The following HERC2 variants were observed in gnomAD, a reference collection of about 807,000 sequenced individuals.
HERC2 encodes the protein HECT and RLD domain containing E3 ubiquitin protein ligase 2, also known as E3 ubiquitin-protein ligase HERC2.
A neutral mutation model predicts 537.7 loss-of-function variants in HERC2; 102 were observed. That is an observed-to-expected ratio of 0.19 (90% CI 0.16 to 0.22). The LOEUF (loss-of-function observed/expected upper bound fraction) is 0.22. Among genes scored for constraint, HERC2 ranks in the 10% least tolerant of loss-of-function variants. HERC2 has a pLI of 1.00. For missense variants in HERC2, 4,236 were observed against 6,198.2 expected, an observed-to-expected ratio of 0.68 and a Z score of 10.63; for synonymous variants, 2,224 against 2,466.2, an observed-to-expected ratio of 0.90 and a Z score of 2.91.
chr15:28,138,418 A>G (rs1188394206), intron 78 of HERC2, among the ~76,000 whole-genome samples: 1 of 152,240 alleles, frequency 6.6e-6, no homozygotes, highest in Non-Finnish European at 1.5e-5. Flanking sequence ...AGTTGAATTC[A>G]TTGAAGTCAA....
At chr15:28,185,820 C>G (rs1896256063) in intron 56 of HERC2, among the ~76,000 whole-genome samples, 1 of 152,192 alleles carries the variant, frequency 6.6e-6, no homozygotes, top group Non-Finnish European at 1.5e-5. Context: ...CTGCCTCTTA[C>G]CAAAGGCCTA....
In HERC2 at chr15:28,179,521, C is replaced by T. The variant is rs528974619; in HGVS notation, c.8938-298G>A. 2.0e-5 allele frequency among the ~76,000 whole-genome samples: 3 copies of T among 152,326 alleles called. No individual in the cohort carries two copies. The East Asian group carries it at 5.8e-4, about 29-fold the overall frequency. On this transcript the variant is annotated intron_variant, in intron 57 of 92. Coordinates refer to ENST00000261609, the MANE Select transcript of HERC2 (RefSeq NM_004667.6). Reference sequence around the variant, plus strand: ...TGCTGCCAGCTACATATCAACAATCCCTAATACCTCACCATGATAACAGAC... The same window carrying T: ...TGCTGCCAGCTACATATCAACAATCTCTAATACCTCACCATGATAACAGAC...
chr15:28,220,008 A>G (rs1900350377), intron 37 of HERC2, among the ~76,000 whole-genome samples: 1 of 152,210 alleles, frequency 6.6e-6, no homozygotes, highest in South Asian at 2.1e-4. Context: ...GGGACCACAG[A>G]GGAAAGGTAA....
chr15:28,144,119 G>A lies in HERC2; in HGVS notation c.11257C>T (p.Leu3753Phe). The A allele has an allele frequency of 1.9e-6, 3 of 1,614,218 alleles. No individual in the cohort carries two copies. Among genetic ancestry groups the A allele is most frequent in the Non-Finnish European group, 2.5e-6 (3 of 1,180,046 alleles). Residue 3753 changes from leucine (L) to phenylalanine (F), a missense_variant, in exon 73 of 93, where the codon CTT becomes TTT. Around this residue, in one of 27 missense-constraint regions of HERC2, gnomAD observed 109 missense variants for 133.5 expected, o/e 0.82. Transcript: ENST00000261609. ...GCACAAGCTGCCAGCGAGGCCGCAA[G>A]GCGAGGGACGATGCTTCTGTTAGAG... Reference protein sequence around the residue: ...LASNRSIVPRLAASLAACAQL... With the variant: ...LASNRSIVPRFAASLAACAQL...
chr15:28,319,547 T>C (rs1165967920), intron 2 of HERC2, among the ~76,000 whole-genome samples: 6 of 133,734 alleles, frequency 4.5e-5, no homozygotes, highest in African/African-American at 1.4e-4. Context: ...ATTGCGCCAC[T>C]GCACGCCAGC....
At chr15:28,146,709 C>T (rs575252473) in intron 70 of HERC2, among the ~76,000 whole-genome samples, 28 of 150,662 alleles carry the variant, frequency 1.9e-4, no homozygotes, top group African/African-American at 6.2e-4. Context: ...CTGTGGGTCA[C>T]CTGGGGAGTG....
At chr15:28,165,730 G>A (rs531766217) in intron 68 of HERC2, among the ~76,000 whole-genome samples, 6 of 152,198 alleles carry the variant, frequency 3.9e-5, no homozygotes, top group Admixed American at 2.0e-4. Flanking sequence ...AGACCAGGAG[G>A]TTGAGGCTGC....
rs779479052 is a variant in HERC2, at chr15:28,202,232, C to T, written c.7498G>A (p.Gly2500Arg). ...SSLPGVEALV[G>R]WLLDHSDIQV... Reference sequence around the variant, plus strand: ...ATGTCGGAGTGGTCCAGCAGCCACCCGACCAAGGCTTCCACACCTAAGAGA... The same window carrying T: ...ATGTCGGAGTGGTCCAGCAGCCACCTGACCAAGGCTTCCACACCTAAGAGA... The change falls in exon 47 of 93, where the codon GGG (glycine) becomes AGG (arginine). Residue 2500 changes from glycine (G) to arginine (R), a missense_variant. Physicochemically the swap from Gly to Arg is moderately radical, Grantham distance 125. Transcript: ENST00000261609. 4 of 1,610,278 alleles carry T rather than the reference C, an allele frequency of 2.5e-6. No homozygotes were observed. Among genetic ancestry groups the T allele is most frequent in the Admixed American group, 3.3e-5 (2 of 59,908 alleles).
At chr15:28,236,550 C>G (rs1025635873) in intron 26 of HERC2, among the ~76,000 whole-genome samples, 2 of 152,014 alleles carry the variant, frequency 1.3e-5, no homozygotes, top group Admixed American at 1.3e-4. Context: ...CTCAGCCTCC[C>G]AAAGTGCTGG....
chr15:28,255,361 C>T (rs1402632772), intron 19 of HERC2, among the ~76,000 whole-genome samples: 1 of 152,070 alleles, frequency 6.6e-6, no homozygotes, highest in Non-Finnish European at 1.5e-5. Flanking sequence ...AAACCAAAAG[C>T]AATTAAACGT....
chr15:28,149,524 C>T (rs1028518896), intron 70 of HERC2, among the ~76,000 whole-genome samples: 1 of 147,578 alleles, frequency 6.8e-6, no homozygotes, highest in Admixed American at 6.8e-5. Flanking sequence ...ACACGCGGCT[C>T]CTAACCGAGA....
intron 66 of HERC2, among the ~76,000 whole-genome samples, chr15:28,169,056 A>G (rs1314603794): frequency 6.6e-6 from 1 of 152,252 alleles, no homozygotes; most frequent in African/African-American, 2.4e-5. Flanking sequence ...CATGTGTGAT[A>G]CATTAGTAGA....
At chr15:28,180,453 T>C (rs1895719819) in intron 57 of HERC2, among the ~76,000 whole-genome samples, 1 of 152,258 alleles carries the variant, frequency 6.6e-6, no homozygotes, top group South Asian at 2.1e-4. Flanking sequence ...AGGCATTGGT[T>C]ATCCCTTAGA....
At position 28,168,387 on chromosome 15, in the gene HERC2, T is replaced by G; in HGVS notation, c.10413+20A>C. 6.2e-7 allele frequency: 1 copy of G among 1,608,102 alleles called. No individual in the cohort carries two copies. Among genetic ancestry groups the G allele is most frequent in the Non-Finnish European group, 8.5e-7 (1 of 1,175,798 alleles). On this transcript the variant is annotated intron_variant, in intron 67 of 92. Transcript: ENST00000261609. ...CACCTTTTCCTTTCTGATCTAACAT[T>G]GCTTTAGATTCGCTTTTACCTCTCT... is the stretch of plus-strand genomic sequence containing the variant.
chr15:28,260,726 A>C (rs2075393930), intron 16 of HERC2, 51 bp downstream of exon 16: 2 of 1,533,114 alleles, frequency 1.3e-6, no homozygotes, highest in African/African-American at 1.4e-5. Context: ...GTAATGAACA[A>C]CTGGAAACCA....
chr15:28,235,757 C>CAAG (rs898921716), intron 26 of HERC2, among the ~76,000 whole-genome samples: 1 of 152,136 alleles, frequency 6.6e-6, no homozygotes, highest in Non-Finnish European at 1.5e-5. Flanking sequence ...GGCTCATCAA[C>CAAG]AAGAAGCAGC....
chr15:28,297,592 T>C (rs1596422291), intron 3 of HERC2, among the ~76,000 whole-genome samples: 1 of 148,416 alleles, frequency 6.7e-6, no homozygotes, highest in Non-Finnish European at 1.5e-5. Context: ...CTAAACAGAG[T>C]GAAAGAAGCC....
intron 80 of HERC2, 60 bp from the exon 81 acceptor site, chr15:28,132,321 T>G (rs1192499103): frequency 3.4e-6 from 5 of 1,475,596 alleles, no homozygotes; most frequent in Non-Finnish European, 4.6e-6. Flanking sequence ...GCCACAGGAC[T>G]GGCTTCACAA....
chr15:28,136,255 C>T (rs1201254685), intron 78 of HERC2, among the ~76,000 whole-genome samples: 2 of 152,090 alleles, frequency 1.3e-5, no homozygotes, highest in African/African-American at 2.4e-5. Flanking sequence ...TGAAGGCAAA[C>T]ATCCCTCCTG....
Sources: allele counts gnomAD v4.1 joint callset (sites outside exome capture counted in the v4.1 genomes callset), GRCh38; gene constraint gnomAD v4.1.1; regional missense constraint gnomAD v4.1.1; transcripts MANE v1.5; gene names NCBI Gene and HGNC (gene_info 2026-07-23, HGNC 2026-07-21).